The following CELF4 variants were observed in gnomAD, a reference collection of about 807,000 sequenced individuals.
CELF4 encodes CUG-BP- and ETR-3-like factor 4.
Under a neutral mutation model 59.9 loss-of-function variants are expected in CELF4, and 18 were observed. The ratio of observed to expected loss-of-function variants is 0.30; its 90% CI spans 0.21 to 0.45. The LOEUF (loss-of-function observed/expected upper bound fraction) is 0.45, where lower values mean the gene tolerates loss of function less well. Among genes scored for constraint, CELF4 ranks in the 20% least tolerant of loss-of-function variants. The pLI is 1.00. For synonymous variants in CELF4, 261 were observed against 267.1 expected, an observed-to-expected ratio of 0.98 and a Z score of 0.22; for missense variants, 456 against 689.0, an observed-to-expected ratio of 0.66 and a Z score of 3.79.
At chr18:37,431,957 C>T (rs9950658) in intron 2 of CELF4, among the ~76,000 whole-genome samples, 2,692 of 152,258 alleles carry the variant, frequency 0.018, 84 homozygotes, top group African/African-American at 0.061. Context: ...GCTGTAAAAG[C>T]GTGAAATAGG....
rs1017786801 is a variant in CELF4 at position 37,565,420 on chromosome 18, G to A, written c.222C>T (p.Phe74=). 4 of 1,612,944 alleles carry A rather than the reference G, an allele frequency of 2.5e-6. No individual in the cohort carries two copies. The highest frequency in any genetic ancestry group is 3.4e-6 in the Non-Finnish European group (4 of 1,179,348). ...NLDEKDLKPL[F]EEFGKIYELT... Reference sequence around the variant, plus strand: ...GCTCGTAGATTTTGCCAAACTCCTCGAAGAGGGGCTTGAGGTCCTTCTCAT... The same window carrying A: ...GCTCGTAGATTTTGCCAAACTCCTCAAAGAGGGGCTTGAGGTCCTTCTCAT... Residue 74 remains phenylalanine, a synonymous_variant, in exon 1 of 13, where the codon TTC becomes TTT. Coordinates refer to ENST00000420428, the MANE Select transcript of CELF4 (RefSeq NM_020180.4).
chr18:37,485,311 C>T (rs2099878641), intron 2 of CELF4, among the ~76,000 whole-genome samples: 1 of 151,844 alleles, frequency 6.6e-6, no homozygotes, highest in South Asian at 2.1e-4. Context: ...GCAGGAACTT[C>T]ACGGCCACGG....
At chr18:37,329,344 G>A (rs894477528) in intron 2 of CELF4, among the ~76,000 whole-genome samples, 2 of 152,230 alleles carry the variant, frequency 1.3e-5, no homozygotes, top group African/African-American at 4.8e-5. Flanking sequence ...CTTCTCATTG[G>A]CCATGGACTG....
At chr18:37,248,556 C>G (rs1050607908) in intron 12 of CELF4, among the ~76,000 whole-genome samples, 9 of 152,146 alleles carry the variant, frequency 5.9e-5, no homozygotes, top group African/African-American at 2.2e-4. Flanking sequence ...TCCTCCCTAC[C>G]CCATCCTCTT....
At chr18:37,422,298 C>T (rs547581520) in intron 2 of CELF4, among the ~76,000 whole-genome samples, 1 of 152,324 alleles carries the variant, frequency 6.6e-6, no homozygotes, top group South Asian at 2.1e-4. Flanking sequence ...CAGGGGCCAC[C>T]CTTGTGGCTG....
At chr18:37,556,204 C>A (rs2099984745) in intron 1 of CELF4, among the ~76,000 whole-genome samples, 1 of 152,218 alleles carries the variant, frequency 6.6e-6, no homozygotes, top group African/African-American at 2.4e-5. Context: ...CAAGAGACAG[C>A]ACTCACTGGG....
intron 10 of CELF4, among the ~76,000 whole-genome samples, chr18:37,260,681 G>A (rs999900297): frequency 6.6e-6 from 1 of 152,152 alleles, no homozygotes; most frequent in Non-Finnish European, 1.5e-5. Flanking sequence ...CTTCTCTTCT[G>A]CTCCTCTACC....
chr18:37,307,599 G>T (rs922422269), intron 3 of CELF4, among the ~76,000 whole-genome samples: 4 of 152,080 alleles, frequency 2.6e-5, no homozygotes, highest in African/African-American at 9.7e-5. Flanking sequence ...ATGCCTGTGG[G>T]CTGGGGGGTG....
intron 1 of CELF4, among the ~76,000 whole-genome samples, chr18:37,552,852 T>C (rs966072241): frequency 6.6e-6 from 1 of 152,218 alleles, no homozygotes. Context: ...CCTCTGCAGC[T>C]GGTGTGTGGC....
intron 2 of CELF4, among the ~76,000 whole-genome samples, chr18:37,415,643 C>T (rs2099521378): frequency 6.6e-6 from 1 of 152,110 alleles, no homozygotes; most frequent in Non-Finnish European, 1.5e-5. Flanking sequence ...TTTTTATTAC[C>T]TATTGAAATT....
intron 2 of CELF4, among the ~76,000 whole-genome samples, chr18:37,375,721 C>T (rs1330521059): frequency 2.6e-5 from 4 of 152,280 alleles, no homozygotes; most frequent in South Asian, 2.1e-4. Flanking sequence ...CCCACCTGGC[C>T]TCTGGGAGCT....
intron 2 of CELF4, among the ~76,000 whole-genome samples, chr18:37,325,452 T>C (rs2097274729): frequency 6.6e-6 from 1 of 152,240 alleles, no homozygotes; most frequent in Non-Finnish European, 1.5e-5. Flanking sequence ...GAAATCTCCC[T>C]GTGTCTGGAG....
chr18:37,263,986 G>C lies in CELF4; in HGVS notation c.1249+688C>G, dbSNP rs147796584. 3.1e-3 allele frequency among the ~76,000 whole-genome samples: 474 copies of C among 152,148 alleles called. 5 individuals carry two copies. The highest frequency in any genetic ancestry group is 0.02 in the Middle Eastern group (6 of 294). On this transcript the variant is annotated intron_variant, in intron 10 of 12. Transcript: ENST00000420428. ...GCCCACCAGAGGAGGGGGATTCTTG[G>C]ACCCCACCTCCTCTGGGGCTTCCCT...
At chr18:37,285,343 G>A (rs753272219) in intron 3 of CELF4, among the ~76,000 whole-genome samples, 2 of 152,252 alleles carry the variant, frequency 1.3e-5, no homozygotes, top group Non-Finnish European at 2.9e-5. Context: ...CACGCAGGAA[G>A]TCTGCCCTGC....
At chr18:37,441,798 G>A (rs1233834636) in intron 2 of CELF4, among the ~76,000 whole-genome samples, 1 of 152,032 alleles carries the variant, frequency 6.6e-6, no homozygotes, top group Non-Finnish European at 1.5e-5. Flanking sequence ...ATTCTTGAAG[G>A]CCCAGTGCAG....
At chr18:37,279,889 C>CCCAGCTCATGGGG (rs2093906254) in intron 3 of CELF4, among the ~76,000 whole-genome samples, 1 of 152,254 alleles carries the variant, frequency 6.6e-6, no homozygotes, top group Non-Finnish European at 1.5e-5. Context: ...GGAGCCTAGA[C>CCCAGCTCATGGGG]TCAACCCAGC....
chr18:37,337,097 T>TCTC (rs2097795652), intron 2 of CELF4, among the ~76,000 whole-genome samples: 1 of 152,082 alleles, frequency 6.6e-6, no homozygotes, highest in Admixed American at 6.5e-5. Flanking sequence ...TCGGGCAGCA[T>TCTC]CTCCTGTCTC....
intron 2 of CELF4, among the ~76,000 whole-genome samples, chr18:37,417,788 C>T (rs998177520): frequency 6.6e-6 from 1 of 152,250 alleles, no homozygotes; most frequent in African/African-American, 2.4e-5. Flanking sequence ...ATCCAGATGT[C>T]CTGTAGCTGC....
At chr18:37,417,174 C>T (rs141503687) in intron 2 of CELF4, among the ~76,000 whole-genome samples, 87 of 152,312 alleles carry the variant, frequency 5.7e-4, no homozygotes, top group Non-Finnish European at 1.1e-3. Flanking sequence ...GTATAGTTTA[C>T]GGACAGGGAG....
Sources: gnomAD v4.1 joint callset for allele counts (sites outside exome capture counted in the v4.1 genomes callset) on GRCh38, gnomAD v4.1.1 for gene constraint, MANE v1.5 for transcripts, NCBI Gene and HGNC (gene_info 2026-07-23, HGNC 2026-07-21) for gene names.